The following SKAP2 variants were observed in gnomAD, a reference collection of about 807,000 sequenced individuals.
SKAP2 encodes src kinase-associated phosphoprotein 2.
In SKAP2, 28 loss-of-function variants were observed where a neutral mutation model predicts 54.9. The observed-to-expected ratio is 0.51, with a 90% CI of 0.38 to 0.70. The LOEUF (loss-of-function observed/expected upper bound fraction) is 0.70, where lower values mean the gene tolerates loss of function less well. SKAP2 is among the 30% of genes least tolerant of loss of function. SKAP2 has a pLI of 0.00. For missense variants in SKAP2, 356 were observed against 424.1 expected, an observed-to-expected ratio of 0.84 and a Z score of 1.41; for synonymous variants, 137 against 134.3, an observed-to-expected ratio of 1.02 and a Z score of -0.14.
At chr7:26,732,252 C>CA in intron 6 of SKAP2, among the ~76,000 whole-genome samples, 1 of 152,272 alleles carries the variant, frequency 6.6e-6, no homozygotes, top group East Asian at 1.9e-4. Flanking sequence ...CAATGGCACT[C>CA]ACTGATTGAT....
chr7:26,815,059 TA>T (rs1426566258), intron 4 of SKAP2, among the ~76,000 whole-genome samples: 2 of 149,722 alleles, frequency 1.3e-5, no homozygotes, highest in African/African-American at 4.9e-5. Context: ...GACATAACAG[TA>T]AAACCACCTA....
chr7:26,828,342 C>T (rs954194195), intron 4 of SKAP2, among the ~76,000 whole-genome samples: 3 of 152,052 alleles, frequency 2.0e-5, no homozygotes, highest in African/African-American at 4.8e-5. Context: ...TTTTAACGAA[C>T]GATGTTAAAG....
chr7:26,845,908 G>A (rs1784910941), intron 3 of SKAP2, among the ~76,000 whole-genome samples: 1 of 151,922 alleles, frequency 6.6e-6, no homozygotes, highest in African/African-American at 2.4e-5. Flanking sequence ...TTCCAGCCTG[G>A]GCAACAGACC....
chr7:26,840,505 C>G (rs540198117), intron 4 of SKAP2, among the ~76,000 whole-genome samples: 74 of 152,174 alleles, frequency 4.9e-4, no homozygotes, highest in South Asian at 4.1e-4. Context: ...TACTCTATAT[C>G]TACCCACCTT....
At chr7:26,698,341 C>T (rs2127945051) in intron 9 of SKAP2, among the ~76,000 whole-genome samples, 1 of 152,274 alleles carries the variant, frequency 6.6e-6, no homozygotes, top group East Asian at 1.9e-4. Flanking sequence ...GGTGGAGGGT[C>T]TGTGGGGTCA....
At chr7:26,672,048 T>C (rs550351070) in intron 11 of SKAP2, among the ~76,000 whole-genome samples, 10 of 152,098 alleles carry the variant, frequency 6.6e-5, no homozygotes, top group Non-Finnish European at 1.0e-4. Context: ...TTTTTGAAAC[T>C]GATTATTTGG....
chr7:26,818,997 T>C (rs1378890277), intron 4 of SKAP2, among the ~76,000 whole-genome samples: 1 of 152,126 alleles, frequency 6.6e-6, no homozygotes, highest in African/African-American at 2.4e-5. Context: ...GTTCAACCAT[T>C]GTGGAAGACA....
chr7:26,812,274 G>A (rs374269632), intron 4 of SKAP2, among the ~76,000 whole-genome samples: 1 of 151,970 alleles, frequency 6.6e-6, no homozygotes, highest in East Asian at 1.9e-4. Flanking sequence ...TATATCCTAA[G>A]GTCCTTTTAC....
chr7:26,779,833 T>C (rs1464175297), intron 4 of SKAP2, among the ~76,000 whole-genome samples: 1 of 152,036 alleles, frequency 6.6e-6, no homozygotes, highest in Non-Finnish European at 1.5e-5. Context: ...GGAGAGCCTG[T>C]TATACAATAA....
intron 11 of SKAP2, among the ~76,000 whole-genome samples, chr7:26,676,485 G>A (rs1338360374): frequency 6.6e-6 from 1 of 151,922 alleles, no homozygotes; most frequent in Non-Finnish European, 1.5e-5. Flanking sequence ...TTTTCCTTTG[G>A]GCTTTTATTT....
At chr7:26,791,881 A>C (rs1232037996) in intron 4 of SKAP2, among the ~76,000 whole-genome samples, 1 of 152,236 alleles carries the variant, frequency 6.6e-6, no homozygotes. Context: ...GCCTTCAAAA[A>C]GTCTTGTACA....
In SKAP2 at chr7:26,820,664, C is replaced by A. The variant is rs553863974; in HGVS notation, c.307+23366G>T. On this transcript the variant is annotated intron_variant, in intron 4 of 12. Coordinates refer to ENST00000345317, the MANE Select transcript of SKAP2 (RefSeq NM_003930.5). The stretch of plus-strand genomic sequence containing the variant: ...AGGTCATGACATTTATGAACCACCA[C>A]GTAAAAATGCCTGCCATATTTATTA... Among the ~76,000 whole-genome samples, 3 of 152,142 alleles carry A rather than the reference C, an allele frequency of 2.0e-5. No homozygotes were observed. In the South Asian group the frequency reaches 6.2e-4, roughly 32 times the overall value.
chr7:26,753,041 C>T (rs1444463987), intron 4 of SKAP2, among the ~76,000 whole-genome samples: 3 of 152,154 alleles, frequency 2.0e-5, no homozygotes, highest in South Asian at 2.1e-4. Flanking sequence ...AGAATTCATA[C>T]TACAATTTCA....
chr7:26,785,205 T>G (rs570131470), intron 4 of SKAP2, among the ~76,000 whole-genome samples: 82 of 152,260 alleles, frequency 5.4e-4, no homozygotes, highest in African/African-American at 1.6e-3. Flanking sequence ...TTGTTTGTTT[T>G]TTTTTAAGAC....
chr7:26,816,113 G>A (rs6948584), intron 4 of SKAP2, among the ~76,000 whole-genome samples: 32,309 of 151,990 alleles, frequency 0.21, 3,517 homozygotes, highest in Non-Finnish European at 0.24. Flanking sequence ...TCTAACAAAT[G>A]TTTTGTTCAT....
At chr7:26,830,298 G>A (rs948166331) in intron 4 of SKAP2, among the ~76,000 whole-genome samples, 7 of 152,090 alleles carry the variant, frequency 4.6e-5, no homozygotes, top group Admixed American at 2.6e-4. Context: ...TTTCTTTTTC[G>A]TGGAGATGAA....
At chr7:26,808,236 T>G (rs778834873) in intron 4 of SKAP2, among the ~76,000 whole-genome samples, 23 of 152,140 alleles carry the variant, frequency 1.5e-4, no homozygotes, top group Non-Finnish European at 2.6e-4. Flanking sequence ...CATGAACAGA[T>G]GAATGGATAA....
chr7:26,719,963 G>A (rs543803089), intron 9 of SKAP2, among the ~76,000 whole-genome samples: 1 of 152,086 alleles, frequency 6.6e-6, no homozygotes, highest in Non-Finnish European at 1.5e-5. Flanking sequence ...ATTGACGTTT[G>A]GGCCAGACAA....
At chr7:26,741,180 C>T (rs1237933341) in intron 4 of SKAP2, among the ~76,000 whole-genome samples, 1 of 151,466 alleles carries the variant, frequency 6.6e-6, no homozygotes, top group East Asian at 1.9e-4. Context: ...TTTGATAGCA[C>T]AACAGAGTGA....
Sources: allele counts gnomAD v4.1 joint callset (sites outside exome capture counted in the v4.1 genomes callset), GRCh38; gene constraint gnomAD v4.1.1; transcripts MANE v1.5; gene names NCBI Gene and HGNC (gene_info 2026-07-23, HGNC 2026-07-21).